The following CCSER1 variants were observed in gnomAD, a reference collection of about 807,000 sequenced individuals.
CCSER1 encodes the protein coiled-coil serine rich protein 1.
In CCSER1, 41 loss-of-function variants were observed where a neutral mutation model predicts 82.0. The observed-to-expected ratio is 0.50, with a 90% CI of 0.39 to 0.65. The LOEUF (loss-of-function observed/expected upper bound fraction) is 0.65. CCSER1 is among the 30% of genes least tolerant of loss of function. The pLI, the probability that CCSER1 is intolerant of heterozygous loss-of-function variation, is 0.00. For missense variants in CCSER1, 1,119 were observed against 1,064.2 expected (o/e 1.05, Z -0.72); for synonymous variants, 414 against 383.9 (o/e 1.08, Z -0.92).
intron 10 of CCSER1, among the ~76,000 whole-genome samples, chr4:91,318,050 A>G (rs1745950354): frequency 6.6e-6 from 1 of 151,934 alleles, no homozygotes; most frequent in South Asian, 2.1e-4. Context: ...AGTGAAACAT[A>G]CATTTGTCCT....
At chr4:91,136,551 T>C (rs1728486726) in intron 10 of CCSER1, among the ~76,000 whole-genome samples, 1 of 152,152 alleles carries the variant, frequency 6.6e-6, no homozygotes, top group Non-Finnish European at 1.5e-5. Context: ...AATTTATAAG[T>C]ATATATAAAA....
intron 7 of CCSER1, among the ~76,000 whole-genome samples, chr4:90,788,160 C>CT (rs1754771387): frequency 6.6e-6 from 1 of 152,076 alleles, no homozygotes; most frequent in African/African-American, 2.4e-5. Flanking sequence ...AGGTGAAAGA[C>CT]TAAGGTAGAA....
At chr4:91,164,165 A>G (rs1403905026) in intron 10 of CCSER1, among the ~76,000 whole-genome samples, 1 of 152,116 alleles carries the variant, frequency 6.6e-6, no homozygotes, top group African/African-American at 2.4e-5. Context: ...TCTGTAAAGA[A>G]TTTTATTTCT....
intron 9 of CCSER1, among the ~76,000 whole-genome samples, chr4:91,060,580 T>C (rs911393444): frequency 1.3e-5 from 2 of 152,056 alleles, no homozygotes; most frequent in Non-Finnish European, 2.9e-5. Context: ...CTCCAGCTTT[T>C]TCCACTACCT....
intron 5 of CCSER1, among the ~76,000 whole-genome samples, chr4:90,588,011 T>G (rs1488672623): frequency 6.6e-6 from 1 of 152,238 alleles, no homozygotes; most frequent in Non-Finnish European, 1.5e-5. Context: ...GATAGCATTA[T>G]GTCTAAAAAA....
intron 5 of CCSER1, among the ~76,000 whole-genome samples, chr4:90,506,275 T>A (rs1317521250): frequency 5.3e-5 from 8 of 152,280 alleles, no homozygotes; most frequent in Admixed American, 3.3e-4. Context: ...AATTTTCTTA[T>A]AATCAGAAAA....
At chr4:90,257,015 G>A (rs1282575264) in intron 1 of CCSER1, among the ~76,000 whole-genome samples, 1 of 151,822 alleles carries the variant, frequency 6.6e-6, no homozygotes, top group Non-Finnish European at 1.5e-5. Flanking sequence ...ACTATCTGTA[G>A]TTTCAGGCAT....
At chr4:91,549,551 TG>T (rs1421808697) in intron 10 of CCSER1, among the ~76,000 whole-genome samples, 3 of 151,854 alleles carry the variant, frequency 2.0e-5, no homozygotes, top group Non-Finnish European at 4.4e-5. Flanking sequence ...CTTAGTCCTT[TG>T]GGGGCCAGGC....
At chr4:90,557,709 T>G (rs1193402020) in intron 5 of CCSER1, among the ~76,000 whole-genome samples, 2 of 152,106 alleles carry the variant, frequency 1.3e-5, no homozygotes, top group Non-Finnish European at 2.9e-5. Flanking sequence ...ATTTCCCTTC[T>G]TGGAAGGACA....
intron 8 of CCSER1, among the ~76,000 whole-genome samples, chr4:90,871,300 G>A (rs1255124873): frequency 6.6e-6 from 1 of 151,446 alleles, no homozygotes; most frequent in Non-Finnish European, 1.5e-5. Context: ...AAAATATTTA[G>A]GATCATATAG....
intron 7 of CCSER1, among the ~76,000 whole-genome samples, chr4:90,801,426 GTAT>G (rs1323772696): frequency 1.3e-5 from 2 of 152,124 alleles, no homozygotes; most frequent in South Asian, 2.1e-4. Flanking sequence ...ATGTAAGGTG[GTAT>G]TATTATTTTT....
At chr4:90,213,614 A>G (rs1275020206) in intron 1 of CCSER1, among the ~76,000 whole-genome samples, 2 of 152,178 alleles carry the variant, frequency 1.3e-5, no homozygotes, top group African/African-American at 2.4e-5. Context: ...TGTGGAAACT[A>G]TGAAGAAGAA....
intron 10 of CCSER1, among the ~76,000 whole-genome samples, chr4:91,194,237 A>C (rs532944077): frequency 6.6e-6 from 1 of 152,118 alleles, no homozygotes; most frequent in African/African-American, 2.4e-5. Flanking sequence ...CCTAGAGTGC[A>C]TGAGCCACTG....
rs538919379 is a variant in CCSER1 at position 91,594,368 on chromosome 4, CACAT to C, written c.2218-4202_2218-4199del. Among the ~76,000 whole-genome samples the C allele has an allele frequency of 6.7e-3, 917 of 136,550 alleles. 3 individuals carry two copies. Among genetic ancestry groups the C allele is most frequent in the Non-Finnish European group, 0.011 (678 of 60,366 alleles). 89.6% of individuals were successfully genotyped at this position (136,550 alleles called of 152,430 possible). A position where few individuals can be genotyped will look rare whatever the true frequency, so the allele number is the denominator to read the frequency against. ...ATACATATATATACACATATATATA[CACAT>C]ATATATACACACATATATACATATA... On this transcript the variant is annotated intron_variant, in intron 10 of 10. Transcript: ENST00000509176.
At chr4:90,243,752 A>T (rs1441663500) in intron 1 of CCSER1, among the ~76,000 whole-genome samples, 2 of 152,156 alleles carry the variant, frequency 1.3e-5, no homozygotes, top group Non-Finnish European at 2.9e-5. Context: ...CCTAAAGTGC[A>T]TACACAGGTG....
intron 10 of CCSER1, among the ~76,000 whole-genome samples, chr4:91,481,230 G>C (rs1437683514): frequency 1.3e-5 from 2 of 151,828 alleles, no homozygotes; most frequent in Non-Finnish European, 2.9e-5. Context: ...CACAAATTGG[G>C]TGGCTCAACA....
chr4:90,766,301 A>G (rs1434962714), intron 7 of CCSER1, among the ~76,000 whole-genome samples: 1 of 152,190 alleles, frequency 6.6e-6, no homozygotes, highest in Non-Finnish European at 1.5e-5. Context: ...TCCCAAGTTC[A>G]TATATAACGT....
At chr4:90,372,146 A>G (rs1747543824) in intron 3 of CCSER1, among the ~76,000 whole-genome samples, 2 of 152,114 alleles carry the variant, frequency 1.3e-5, no homozygotes, top group Admixed American at 1.3e-4. Context: ...AGTTTCTGCC[A>G]TCAGGGAGCT....
intron 10 of CCSER1, among the ~76,000 whole-genome samples, chr4:91,287,742 G>A (rs903735389): frequency 6.6e-6 from 1 of 151,858 alleles, no homozygotes; most frequent in African/African-American, 2.4e-5. Flanking sequence ...GTGAAGAGCA[G>A]GGAAAAGTTT....
Sources: gnomAD v4.1 joint callset for allele counts (sites outside exome capture counted in the v4.1 genomes callset) on GRCh38, gnomAD v4.1.1 for gene constraint, MANE v1.5 for transcripts, NCBI Gene and HGNC (gene_info 2026-07-23, HGNC 2026-07-21) for gene names.